APP: variants seen among roughly 807,000 people sequenced by gnomAD.
APP encodes the protein amyloid-beta precursor protein.
APP carries 31 observed loss-of-function variants against 101.4 expected under a neutral mutation model. That is an observed-to-expected ratio of 0.31 (90% CI 0.23 to 0.41). APP has a LOEUF of 0.41. APP is among the 10% of genes least tolerant of loss of function. APP has a pLI of 1.00. For missense variants in APP, 839 were observed against 1,003.7 expected (o/e 0.84, Z 2.22); for synonymous variants, 366 against 364.4 (o/e 1.00, Z -0.05).
chr21:26,027,795 G>A (rs2044644575), intron 5 of APP, among the ~76,000 whole-genome samples: 1 of 148,628 alleles, frequency 6.7e-6, no homozygotes, highest in African/African-American at 2.5e-5. Context: ...TAAAAAGGTT[G>A]AAAAGGGTTT....
At chr21:25,969,415 C>CT (rs1363650590) in intron 11 of APP, among the ~76,000 whole-genome samples, 1 of 150,074 alleles carries the variant, frequency 6.7e-6, no homozygotes, top group African/African-American at 2.5e-5. Flanking sequence ...AAGTGCAGAC[C>CT]TAAGTGCCAG....
At chr21:26,077,933 GAAAC>G (rs1234332856) in intron 3 of APP, among the ~76,000 whole-genome samples, 2 of 152,130 alleles carry the variant, frequency 1.3e-5, no homozygotes, top group African/African-American at 2.4e-5. Flanking sequence ...ACTGAACACT[GAAAC>G]AAATATTGAG....
At chr21:26,125,274 T>C (rs2062658213) in intron 1 of APP, among the ~76,000 whole-genome samples, 1 of 152,154 alleles carries the variant, frequency 6.6e-6, no homozygotes. Context: ...CCAGGACAAC[T>C]TTCGTGGGCC....
At chr21:26,014,394 G>A (rs555109413) in intron 6 of APP, among the ~76,000 whole-genome samples, 4 of 152,266 alleles carry the variant, frequency 2.6e-5, no homozygotes, top group African/African-American at 9.6e-5. Flanking sequence ...ATCAATACAA[G>A]CTACTCTGAT....
At chr21:26,118,836 G>T (rs1272246167) in intron 1 of APP, among the ~76,000 whole-genome samples, 3 of 151,792 alleles carry the variant, frequency 2.0e-5, no homozygotes, top group Non-Finnish European at 4.4e-5. Context: ...CACAACGCCT[G>T]GCCTGTCTTT....
intron 1 of APP, among the ~76,000 whole-genome samples, chr21:26,166,801 C>T (rs465984): frequency 0.034 from 5,097 of 152,082 alleles, 218 homozygotes; most frequent in East Asian, 0.2. Flanking sequence ...TTACCTTTGA[C>T]CTCTCAACTC....
intron 2 of APP, among the ~76,000 whole-genome samples, chr21:26,108,744 C>G (rs1054783620): frequency 6.6e-6 from 1 of 151,788 alleles, no homozygotes; most frequent in African/African-American, 2.4e-5. Flanking sequence ...AAAATCCCGG[C>G]GTGGTGGCAG....
rs200599024 is a variant in APP at position 26,170,533 on chromosome 21, C to T, written c.57+31G>A. 3.1e-5 allele frequency: 48 copies of T among 1,535,862 alleles called. No individual in the cohort carries two copies. The Middle Eastern group carries it at 5.0e-4, about 16-fold the overall frequency. On this transcript the variant is annotated intron_variant, in intron 1 of 17. Coordinates refer to ENST00000346798, the MANE Select transcript of APP (RefSeq NM_000484.4). The stretch of plus-strand genomic sequence containing the variant: ...GGGTATCGCGTCCCCACCGTGCAGC[C>T]TCCCCCCGCCTTCCGAGGCGCGGCA...
At position 26,084,195 on chromosome 21, in the gene APP, G is replaced by A. The variant is rs1601417744; in HGVS notation, c.355+5748C>T. Among the ~76,000 whole-genome samples the A allele has an allele frequency of 2.7e-5, 4 of 149,212 alleles. No individual in the cohort carries two copies. The South Asian group carries it at 8.5e-4, about 32-fold the overall frequency. ...CAGGGCCAAGGAAGTGCTGCAGTGA[G>A]CCATGGAGGATGACCTACCTAGAAG... On this transcript the variant is annotated intron_variant, in intron 3 of 17. Transcript: ENST00000346798.
At chr21:26,044,927 T>C (rs2045540541) in intron 5 of APP, among the ~76,000 whole-genome samples, 1 of 152,238 alleles carries the variant, frequency 6.6e-6, no homozygotes, top group Middle Eastern at 3.2e-3. Context: ...CTCAATATTA[T>C]GTGACAAAAA....
chr21:25,933,650 A>C (rs1244588932), intron 13 of APP, among the ~76,000 whole-genome samples: 2 of 152,222 alleles, frequency 1.3e-5, no homozygotes, highest in East Asian at 3.8e-4. Flanking sequence ...GCATTTATAC[A>C]TGCCTTTTCA....
At chr21:25,925,884 C>T (rs375670212) in intron 13 of APP, among the ~76,000 whole-genome samples, 2 of 152,282 alleles carry the variant, frequency 1.3e-5, no homozygotes, top group Non-Finnish European at 2.9e-5. Flanking sequence ...TGCAGTGAGC[C>T]GAGATTGTGC....
chr21:26,052,950 C>T (rs1707699749), intron 4 of APP, among the ~76,000 whole-genome samples: 1 of 152,118 alleles, frequency 6.6e-6, no homozygotes, highest in South Asian at 2.1e-4. Flanking sequence ...CATAATGAAT[C>T]TAGTTCAACT....
intron 1 of APP, among the ~76,000 whole-genome samples, chr21:26,148,884 T>C (rs1406919365): frequency 6.6e-6 from 1 of 152,264 alleles, no homozygotes; most frequent in African/African-American, 2.4e-5. Context: ...TTAGGGAAGC[T>C]TACATCATTT....
At position 25,980,606 on chromosome 21, in the gene APP, C is replaced by T. The variant is rs527971743; in HGVS notation, c.1224+1738G>A. Among the ~76,000 whole-genome samples the T allele has an allele frequency of 8.0e-4, 122 of 152,146 alleles. 1 individual carries two copies. Among genetic ancestry groups the T allele is most frequent in the African/African-American group, 2.9e-3 (121 of 41,514 alleles). The stretch of plus-strand genomic sequence containing the variant: ...GTACTGTGATTATAAGGCTTTTTTC[C>T]TCTTTATGTTATTATACCAAAGTAG... On this transcript the variant is annotated intron_variant, in intron 9 of 17. Coordinates refer to ENST00000346798, the MANE Select transcript of APP (RefSeq NM_000484.4).
intron 13 of APP, among the ~76,000 whole-genome samples, chr21:25,922,945 A>C (rs1226684290): frequency 6.2e-5 from 9 of 145,998 alleles, no homozygotes; most frequent in Non-Finnish European, 1.1e-4. Flanking sequence ...CAAAAGAACG[A>C]AGCTGGAGGC....
intron 5 of APP, among the ~76,000 whole-genome samples, chr21:26,042,777 T>C (rs1401250035): frequency 1.3e-5 from 2 of 151,952 alleles, no homozygotes; most frequent in Admixed American, 6.6e-5. Context: ...TAGGCAGGCA[T>C]GGTGGCAATG....
chr21:26,007,155 T>C (rs1445366654), intron 6 of APP, among the ~76,000 whole-genome samples: 2 of 151,936 alleles, frequency 1.3e-5, no homozygotes, highest in East Asian at 1.9e-4. Context: ...CTATTTCTCC[T>C]TTCTGACAGA....
chr21:26,098,676 T>C (rs1391917264), intron 2 of APP, among the ~76,000 whole-genome samples: 3 of 152,202 alleles, frequency 2.0e-5, no homozygotes, highest in Non-Finnish European at 2.9e-5. Context: ...ACAGAGTAAA[T>C]GGAATTGGAA....
Sources: gnomAD v4.1 joint callset for allele counts (sites outside exome capture counted in the v4.1 genomes callset) on GRCh38, gnomAD v4.1.1 for gene constraint, MANE v1.5 for transcripts, NCBI Gene and HGNC (gene_info 2026-07-23, HGNC 2026-07-21) for gene names.